Variants in AFF2 observed in about 807,000 individuals in gnomAD.
AFF2 encodes ALF transcription elongation factor 2, also known as AF4/FMR2 family member 2.
In AFF2, 14 loss-of-function variants were observed where a neutral mutation model predicts 76.9. The observed-to-expected ratio is 0.18, with a 90% CI of 0.12 to 0.28. AFF2 has a LOEUF of 0.28. AFF2 is among the 10% of genes least tolerant of loss of function. AFF2 has a pLI of 1.00. For synonymous variants in AFF2, 398 were observed against 366.7 expected (o/e 1.09, Z -0.98); for missense variants, 868 against 1,001.1 (o/e 0.87, Z 1.79).
intron 1 of AFF2, among the ~76,000 whole-genome samples, chrX:148,591,163 A>C (rs1239141059): frequency 4.5e-5 from 5 of 112,327 alleles, no homozygotes; most frequent in African/African-American, 1.6e-4. Context: ...TGGTAGTATC[A>C]TCCAAATATA....
At chrX:148,804,241 G>A (rs1007515130) in intron 3 of AFF2, among the ~76,000 whole-genome samples, 1 of 111,729 alleles carries the variant, frequency 9.0e-6, no homozygotes, top group Non-Finnish European at 1.9e-5. Flanking sequence ...GGGATACAGA[G>A]GCTCAAACAA....
intron 3 of AFF2, among the ~76,000 whole-genome samples, chrX:148,744,899 A>T (rs1268844683): frequency 1.8e-5 from 2 of 111,590 alleles, no homozygotes; most frequent in African/African-American, 6.5e-5. Context: ...TCTGTGATTT[A>T]TCTATAAAGT....
At chrX:148,818,554 G>T (rs1187195791) in intron 4 of AFF2, among the ~76,000 whole-genome samples, 1 of 111,694 alleles carries the variant, frequency 9.0e-6, no homozygotes, top group Admixed American at 9.5e-5. Flanking sequence ...ATGTATTAAA[G>T]ATTAAAAACA....
rs1440557631 is a variant in AFF2 at position 148,992,081 on chromosome X, G to C, written c.*749G>C. The C allele has an allele frequency of 8.9e-6, 1 of 111,784 alleles. No individual in the cohort carries two copies. Among genetic ancestry groups the C allele is most frequent in the African/African-American group, 3.3e-5 (1 of 30,720 alleles). 9.2% of individuals were successfully genotyped at this position (111,784 alleles called of 1,213,427 possible). ...TCAGTGTTTTTCAACTCCATTATTT[G>C]AAGTGTAAATCCTCACCTGGGGTTC... On this transcript the variant is annotated 3_prime_UTR_variant, in exon 21 of 21. Coordinates refer to ENST00000370460, the MANE Select transcript of AFF2 (RefSeq NM_002025.4).
At chrX:148,813,824 C>T (rs5980593) in intron 4 of AFF2, among the ~76,000 whole-genome samples, 2,074 of 112,182 alleles carry the variant, frequency 0.018, 47 homozygotes, top group African/African-American at 0.064. Context: ...TGTACAAATT[C>T]AGTTATGCCA....
At chrX:148,680,168 G>A (rs1430870896) in intron 3 of AFF2, among the ~76,000 whole-genome samples, 1 of 111,621 alleles carries the variant, frequency 9.0e-6, no homozygotes, top group Non-Finnish European at 1.9e-5. Flanking sequence ...TTTACAGGGG[G>A]ATCCAAAAAC....
rs782232655 is a variant in AFF2 at position 148,701,012 on chromosome X, A to AGAATGTG, written c.1041+38244_1041+38245insGAATGTG. Among the ~76,000 whole-genome samples, 369 of 73,719 alleles carry AGAATGTG rather than the reference A, an allele frequency of 5.0e-3. 2 individuals are homozygous for AGAATGTG. Among genetic ancestry groups the AGAATGTG allele is most frequent in the African/African-American group, 0.012 (209 of 17,186 alleles). The allele number at this position is 73,719 out of a possible 115,157, so 64.0% of individuals were successfully genotyped here. A position where few individuals can be genotyped will look rare whatever the true frequency, so the allele number is the denominator to read the frequency against. ...AGAGAGAGAGAGAGAGAGAGAGAGA[A>AGAATGTG]TGTGTGTGTGTGTGTGTGTGTGTGT... On this transcript the variant is annotated intron_variant, in intron 3 of 20. Transcript: ENST00000370460.
At chrX:148,784,949 G>A (rs1464922475) in intron 3 of AFF2, among the ~76,000 whole-genome samples, 2 of 111,572 alleles carry the variant, frequency 1.8e-5, no homozygotes, top group Non-Finnish European at 3.8e-5. Flanking sequence ...GCCATCAGTG[G>A]GGGTCCATCT....
chrX:148,700,462 G>GTGT (rs201478374), intron 3 of AFF2, among the ~76,000 whole-genome samples: 2 of 98,977 alleles, frequency 2.0e-5, no homozygotes, highest in Non-Finnish European at 4.1e-5. Context: ...GTGTGTGTGT[G>GTGT]GTGATTGCGG....
At chrX:148,639,867 A>T (rs782724566) in intron 1 of AFF2, among the ~76,000 whole-genome samples, 6 of 112,068 alleles carry the variant, frequency 5.4e-5, no homozygotes, top group Non-Finnish European at 9.4e-5. Flanking sequence ...TCTTTATTCA[A>T]TGAGGATAGT....
intron 1 of AFF2, among the ~76,000 whole-genome samples, chrX:148,592,688 C>A (rs782475135): frequency 9.0e-6 from 1 of 111,329 alleles, no homozygotes; most frequent in South Asian, 3.8e-4. Flanking sequence ...GTAGAGTGGT[C>A]TGCAAATGAT....
intron 3 of AFF2, among the ~76,000 whole-genome samples, chrX:148,690,872 C>T (rs181318756): frequency 2.7e-5 from 3 of 111,645 alleles, no homozygotes. Flanking sequence ...GGTTGGTATC[C>T]TCTGAAGGTC....
At chrX:148,749,363 C>T (rs1557266314) in intron 3 of AFF2, among the ~76,000 whole-genome samples, 1 of 109,768 alleles carries the variant, frequency 9.1e-6, no homozygotes, top group African/African-American at 3.3e-5. Flanking sequence ...CATCGGACTC[C>T]CGGGCTCAAC....
intron 5 of AFF2, among the ~76,000 whole-genome samples, chrX:148,842,326 T>C (rs2070610459): frequency 8.9e-6 from 1 of 112,791 alleles, no homozygotes; most frequent in Non-Finnish European, 1.9e-5. Flanking sequence ...GAATTGTGTA[T>C]AGTGTGACTT....
intron 9 of AFF2, among the ~76,000 whole-genome samples, chrX:148,915,073 A>G (rs782516956): frequency 3.3e-4 from 37 of 112,049 alleles, no homozygotes; most frequent in Non-Finnish European, 5.6e-4. Context: ...TACAGAAATG[A>G]CTCATTTTGG....
chrX:148,706,285 G>A (rs1389641761), intron 3 of AFF2, among the ~76,000 whole-genome samples: 1 of 111,718 alleles, frequency 9.0e-6, no homozygotes, highest in Non-Finnish European at 1.9e-5. Flanking sequence ...CTGCCATTTC[G>A]GAACCTGTCC....
Position 148,966,836 on chromosome X carries a change from C to A in AFF2, c.2960C>A (p.Thr987Asn). The change falls in exon 14 of 21, where the codon ACC (threonine) becomes AAC (asparagine). Residue 987 changes from threonine (T) to asparagine (N), a missense_variant. Physicochemically the swap from Thr to Asn is moderately conservative, Grantham distance 65 (BLOSUM62 0). This residue lies in a region of AFF2 where 532 missense variants were observed against 564.2 expected (regional missense o/e 0.94). Coordinates refer to ENST00000370460, the MANE Select transcript of AFF2 (RefSeq NM_002025.4). ...KKASSATITVTNTAIATATVT... is the reference protein window; with the variant it reads ...KKASSATITVNNTAIATATVT... ...GCATCCTCTGCCACCATCACTGTCA[C>A]CAATACTGCTATTGCCACTGCTACT... The A allele has an allele frequency of 8.3e-7, 1 of 1,211,564 alleles. No individual in the cohort carries two copies. The highest frequency in any genetic ancestry group is 1.1e-6 in the Non-Finnish European group (1 of 895,511).
rs36003565 is a variant in AFF2 at position 148,822,704 on chromosome X, G to GGTGTGT, written c.1086+12814_1086+12819dup. The stretch of plus-strand genomic sequence containing the variant: ...TTCTTCCCTAAAGTGATTCCTCCAG[G>GGTGTGT]GTGTGTGTGTGTGTGTGTGTGTGTG... On this transcript the variant is annotated intron_variant, in intron 4 of 20. Coordinates refer to ENST00000370460, the MANE Select transcript of AFF2 (RefSeq NM_002025.4). Among the ~76,000 whole-genome samples the GGTGTGT allele has an allele frequency of 7.8e-3, 723 of 92,240 alleles. 12 individuals carry two copies. Among genetic ancestry groups the GGTGTGT allele is most frequent in the African/African-American group, 0.026 (667 of 25,623 alleles). The allele number at this position is 92,240 out of a possible 115,157, so 80.1% of individuals were successfully genotyped here.
chrX:148,919,179 G>A (rs1482559673), intron 9 of AFF2, among the ~76,000 whole-genome samples: 6 of 111,144 alleles, frequency 5.4e-5, no homozygotes, highest in African/African-American at 9.8e-5. Context: ...CCCAAGATTC[G>A]GCACTGACAC....
Sources: gnomAD v4.1 joint callset for allele counts (sites outside exome capture counted in the v4.1 genomes callset) on GRCh38, gnomAD v4.1.1 for gene constraint, gnomAD v4.1.1 regional missense constraint, MANE v1.5 for transcripts, NCBI Gene and HGNC (gene_info 2026-07-23, HGNC 2026-07-21) for gene names.